TENM4: variants seen among roughly 807,000 people sequenced by gnomAD.
TENM4 encodes teneurin transmembrane protein 4.
A neutral mutation model predicts 243.3 loss-of-function variants in TENM4; 82 were observed. The ratio of observed to expected loss-of-function variants is 0.34; its 90% CI spans 0.28 to 0.40. The LOEUF (loss-of-function observed/expected upper bound fraction) is 0.40. TENM4 is among the 10% of genes least tolerant of loss of function. TENM4 has a pLI of 1.00. For missense variants in TENM4, 3,138 were observed against 3,673.3 expected (o/e 0.85, Z 3.77); for synonymous variants, 1,412 against 1,456.3 (o/e 0.97, Z 0.69).
At chr11:79,147,716 T>A (rs1222354881) in intron 4 of TENM4, among the ~76,000 whole-genome samples, 2 of 152,060 alleles carry the variant, frequency 1.3e-5, no homozygotes, top group African/African-American at 2.4e-5. Flanking sequence ...TTTATGTACA[T>A]TATCTCAGTA....
chr11:78,972,047 G>A (rs1344815480), intron 6 of TENM4, among the ~76,000 whole-genome samples: 2 of 152,176 alleles, frequency 1.3e-5, no homozygotes, highest in Non-Finnish European at 2.9e-5. Flanking sequence ...CAGTAAATTA[G>A]AAATAATTGT....
intron 9 of TENM4, among the ~76,000 whole-genome samples, chr11:78,863,762 G>C (rs1477444219): frequency 6.6e-6 from 1 of 152,180 alleles, no homozygotes; most frequent in Non-Finnish European, 1.5e-5. Context: ...AATCTATGGA[G>C]GGCAATTTGA....
At chr11:78,755,361 G>T (rs520065) in intron 19 of TENM4, among the ~76,000 whole-genome samples, 1 of 152,140 alleles carries the variant, frequency 6.6e-6, no homozygotes, top group South Asian at 2.1e-4. Flanking sequence ...GAGAGATGGG[G>T]TTTTGCCATG....
chr11:79,098,340 AG>A (rs1220971238), intron 4 of TENM4, among the ~76,000 whole-genome samples: 2 of 148,280 alleles, frequency 1.3e-5, no homozygotes, highest in African/African-American at 2.5e-5. Context: ...CTCTGCCCCC[AG>A]GGCCCTTCTC....
At position 78,805,282 on chromosome 11, in the gene TENM4, C is replaced by CCCCCCCCCACCCCCCCCCCCCAAAAA; in HGVS notation, c.2179+9_2179+10insTTTTTGGGGGGGGGGGGTGGGGGGGG. The CCCCCCCCCACCCCCCCCCCCCAAAAA allele has an allele frequency of 1.0e-6, 1 of 995,566 alleles. No homozygotes were observed. Among genetic ancestry groups the CCCCCCCCCACCCCCCCCCCCCAAAAA allele is most frequent in the Non-Finnish European group, 1.2e-6 (1 of 823,790 alleles). 61.7% of individuals were successfully genotyped at this position (995,566 alleles called of 1,614,324 possible). A position where few individuals can be genotyped will look rare whatever the true frequency, so the allele number is the denominator to read the frequency against. On this transcript the variant is annotated intron_variant, in intron 15 of 33. Transcript: ENST00000278550. ...CCCTCTACCCATGCTTCTTCTCCCC[C>CCCCCCCCCACCCCCCCCCCCCAAAAA]TGCATTTACCGATAGAACAGTCGTG... is the stretch of plus-strand genomic sequence containing the variant.
At chr11:79,361,113 A>G (rs1012243543) in intron 1 of TENM4, among the ~76,000 whole-genome samples, 1 of 152,164 alleles carries the variant, frequency 6.6e-6, no homozygotes, top group Admixed American at 6.5e-5. Context: ...ATTATGCTAG[A>G]CTTTTGGAAT....
intron 12 of TENM4, among the ~76,000 whole-genome samples, chr11:78,821,235 C>A (rs1857723257): frequency 6.6e-6 from 1 of 152,162 alleles, no homozygotes; most frequent in South Asian, 2.1e-4. Flanking sequence ...TTAATTATTT[C>A]TTTGGGGACA....
intron 2 of TENM4, among the ~76,000 whole-genome samples, chr11:79,220,389 G>GGGC (rs1357771915): frequency 1.3e-5 from 2 of 152,146 alleles, no homozygotes; most frequent in Non-Finnish European, 2.9e-5. Flanking sequence ...AAGCAGAGTG[G>GGGC]GGCTGAATCA....
intron 4 of TENM4, among the ~76,000 whole-genome samples, chr11:79,136,385 T>C (rs1190214410): frequency 6.6e-6 from 1 of 152,126 alleles, no homozygotes; most frequent in Non-Finnish European, 1.5e-5. Context: ...GCCACCCCTG[T>C]CATCGCCCAG....
At chr11:78,706,103 AATGGGGGTAGATCAGCTCTACCCTATG>A (rs1859241645) in intron 27 of TENM4, among the ~76,000 whole-genome samples, 1 of 152,210 alleles carries the variant, frequency 6.6e-6, no homozygotes, top group South Asian at 2.1e-4. Context: ...TTATCTATAA[AATGGGGGTAGATCAGCTCTACCCTATG>A]AGACTATTGT....
intron 6 of TENM4, among the ~76,000 whole-genome samples, chr11:79,012,967 G>T (rs1858684422): frequency 6.6e-6 from 1 of 152,172 alleles, no homozygotes; most frequent in Admixed American, 6.5e-5. Flanking sequence ...CCAAAGAGAG[G>T]AGTCCAGGTT....
chr11:79,345,877 G>A (rs528768423), intron 1 of TENM4, among the ~76,000 whole-genome samples: 20 of 152,324 alleles, frequency 1.3e-4, no homozygotes, highest in Non-Finnish European at 2.5e-4. Flanking sequence ...TTTGAGCTAT[G>A]AGGAGCTTGG....
chr11:78,728,546 C>T (rs1855577222), intron 22 of TENM4, among the ~76,000 whole-genome samples: 1 of 147,298 alleles, frequency 6.8e-6, no homozygotes, highest in Non-Finnish European at 1.5e-5. Flanking sequence ...TCCCTCTCTT[C>T]CTCTTCCTCC....
chr11:79,150,519 C>T (rs1167494279), intron 3 of TENM4, among the ~76,000 whole-genome samples: 1 of 152,290 alleles, frequency 6.6e-6, no homozygotes, highest in African/African-American at 2.4e-5. Context: ...AAAGAGTCAT[C>T]TAGACCACCA....
At chr11:79,174,555 C>G (rs1347884747) in intron 3 of TENM4, among the ~76,000 whole-genome samples, 1 of 152,200 alleles carries the variant, frequency 6.6e-6, no homozygotes, top group African/African-American at 2.4e-5. Flanking sequence ...CTGTGCCCTG[C>G]AAGGCTGCTC....
chr11:79,091,814 C>T (rs187915695), intron 4 of TENM4, among the ~76,000 whole-genome samples: 24 of 152,306 alleles, frequency 1.6e-4, no homozygotes, highest in Admixed American at 3.3e-4. Context: ...CTTAGTGCCA[C>T]TCTGGCCTGC....
At chr11:79,042,420 C>T (rs1445131992) in intron 6 of TENM4, among the ~76,000 whole-genome samples, 1 of 152,140 alleles carries the variant, frequency 6.6e-6, no homozygotes, top group Non-Finnish European at 1.5e-5. Flanking sequence ...ATGATTAGGC[C>T]AAGAGGGCTC....
At chr11:79,325,506 G>A (rs1050042496) in intron 1 of TENM4, among the ~76,000 whole-genome samples, 2 of 152,176 alleles carry the variant, frequency 1.3e-5, no homozygotes, top group South Asian at 2.1e-4. Context: ...GTTACTAGCT[G>A]TGTGAGCATG....
intron 4 of TENM4, among the ~76,000 whole-genome samples, chr11:79,138,558 A>ATATATTAAAATATATTATATTT (rs1316145183): frequency 2.3e-4 from 7 of 31,070 alleles, no homozygotes; most frequent in Non-Finnish European, 3.3e-4. Context: ...TATTTATATA[A>ATATATTAAAATATATTATATTT]ATACATAAAA....
Sources: allele counts gnomAD v4.1 joint callset (sites outside exome capture counted in the v4.1 genomes callset), GRCh38; gene constraint gnomAD v4.1.1; transcripts MANE v1.5; gene names NCBI Gene and HGNC (gene_info 2026-07-23, HGNC 2026-07-21).